The following PCDHA5 variants were observed in gnomAD, a reference collection of about 807,000 sequenced individuals.
PCDHA5 encodes protocadherin alpha-5.
In PCDHA5, 43 loss-of-function variants were observed where a neutral mutation model predicts 61.6. The observed-to-expected ratio is 0.70, with a 90% CI of 0.55 to 0.90. The LOEUF is 0.90. Ranked by LOEUF, PCDHA5 falls within the 40% of genes least tolerant of loss-of-function variation. PCDHA5 has a pLI of 0.00. For synonymous variants in PCDHA5, 627 were observed against 543.9 expected, an observed-to-expected ratio of 1.15 and a Z score of -2.13; for missense variants, 1,298 against 1,222.7, an observed-to-expected ratio of 1.06 and a Z score of -0.92.
At chr5:140,959,956 G>A (rs78198535) in intron 1 of PCDHA5, among the ~76,000 whole-genome samples, 3,568 of 152,304 alleles carry the variant, frequency 0.023, 49 homozygotes, top group Middle Eastern at 0.034. Flanking sequence ...TCATAGGTAG[G>A]AGGTAGATGT....
intron 1 of PCDHA5, among the ~76,000 whole-genome samples, chr5:140,894,786 C>T (rs990092948): frequency 6.6e-6 from 1 of 151,576 alleles, no homozygotes; most frequent in Non-Finnish European, 1.5e-5. Flanking sequence ...AATTATTTGT[C>T]CTCTCCTTTA....
intron 1 of PCDHA5, chr5:140,843,314 G>A (rs2150357213): frequency 6.3e-7 from 1 of 1,596,084 alleles, no homozygotes; most frequent in South Asian, 1.1e-5. Flanking sequence ...CACGGCCACG[G>A]TTCTGGTGTC....
intron 1 of PCDHA5, chr5:140,853,038 C>T (rs2150527746): frequency 3.8e-6 from 1 of 265,006 alleles, no homozygotes; most frequent in African/African-American, 2.3e-5. Flanking sequence ...GCCACCATGC[C>T]CGCCTAATTT....
chr5:140,882,681 A>G, intron 1 of PCDHA5: 1 of 1,614,176 alleles, frequency 6.2e-7, no homozygotes, highest in Non-Finnish European at 8.5e-7. Context: ...GAAAGCAAGA[A>G]ACGAATAATC....
At chr5:140,993,984 CACTT>C (rs2097589955) in intron 3 of PCDHA5, among the ~76,000 whole-genome samples, 1 of 152,114 alleles carries the variant, frequency 6.6e-6, no homozygotes, top group Non-Finnish European at 1.5e-5. Flanking sequence ...ATTTATTAAG[CACTT>C]AGGTCAGGCC....
At chr5:140,968,253 C>A (rs782229675) in intron 1 of PCDHA5, 3 of 1,613,908 alleles carry the variant, frequency 1.9e-6, no homozygotes, top group Non-Finnish European at 2.5e-6. Flanking sequence ...GCCACAGACC[C>A]AGATGAAAAG....
intron 1 of PCDHA5, among the ~76,000 whole-genome samples, chr5:140,900,519 T>G (rs1264399196): frequency 6.6e-6 from 1 of 152,224 alleles, no homozygotes; most frequent in East Asian, 1.9e-4. Flanking sequence ...TCAGGTGATC[T>G]GCCCACCTCG....
At chr5:140,967,879 T>C in intron 1 of PCDHA5, 1 of 1,614,104 alleles carries the variant, frequency 6.2e-7, no homozygotes, top group Non-Finnish European at 8.5e-7. Context: ...CGGACCTGTA[T>C]AGCCCAGTGC....
At chr5:140,843,906 T>C in intron 1 of PCDHA5, 1 of 648,462 alleles carries the variant, frequency 1.5e-6, no homozygotes, top group Non-Finnish European at 2.6e-6. Context: ...TCTCCACAAG[T>C]TGGGTCTATC....
chr5:140,928,525 G>A (rs200642808), intron 1 of PCDHA5: 1 of 1,614,182 alleles, frequency 6.2e-7, no homozygotes, highest in East Asian at 2.2e-5. Context: ...AAACTTGTTT[G>A]TGGTAGATAG....
At chr5:140,985,739 C>CA (rs781951589) in intron 3 of PCDHA5, among the ~76,000 whole-genome samples, 2 of 117,920 alleles carry the variant, frequency 1.7e-5, no homozygotes, top group Non-Finnish European at 3.4e-5. Flanking sequence ...TGATGAATTC[C>CA]TTTTTTTTTT....
At chr5:140,917,151 G>T (rs974449842) in intron 1 of PCDHA5, among the ~76,000 whole-genome samples, 2 of 152,160 alleles carry the variant, frequency 1.3e-5, no homozygotes, top group Non-Finnish European at 2.9e-5. Flanking sequence ...TGCTGCTGGG[G>T]GATATGGGAG....
chr5:140,929,077 A>C, intron 1 of PCDHA5: 1 of 1,614,168 alleles, frequency 6.2e-7, no homozygotes, highest in Non-Finnish European at 8.5e-7. Flanking sequence ...GAGGTATGGA[A>C]GTAAGATGGT....
intron 1 of PCDHA5, among the ~76,000 whole-genome samples, chr5:140,945,169 AAAAT>A (rs1302154201): frequency 2.0e-5 from 3 of 152,164 alleles, no homozygotes; most frequent in Non-Finnish European, 4.4e-5. Context: ...AACTATCTGA[AAAAT>A]AAATCAAGAA....
At chr5:140,945,437 A>T (rs2093790061) in intron 1 of PCDHA5, among the ~76,000 whole-genome samples, 1 of 152,192 alleles carries the variant, frequency 6.6e-6, no homozygotes, top group South Asian at 2.1e-4. Context: ...TTTTACAGAA[A>T]TATAAAAAAC....
intron 1 of PCDHA5, among the ~76,000 whole-genome samples, chr5:140,888,380 A>G (rs1348796416): frequency 6.6e-6 from 1 of 152,192 alleles, no homozygotes; most frequent in East Asian, 1.9e-4. Context: ...GAGCTCTGAG[A>G]TGCTGCTAAA....
chr5:140,884,547 C>G, intron 1 of PCDHA5: 1 of 1,614,214 alleles, frequency 6.2e-7, no homozygotes, highest in East Asian at 2.2e-5. Context: ...AGGGTGTGCT[C>G]TGGGGAGGGC....
chr5:140,922,072 A>G (rs1390677282), intron 1 of PCDHA5, among the ~76,000 whole-genome samples: 1 of 152,198 alleles, frequency 6.6e-6, no homozygotes. Flanking sequence ...AATCCCACTA[A>G]GCAAAAAGTG....
chr5:140,940,073 A>G (rs1197351000), intron 1 of PCDHA5, among the ~76,000 whole-genome samples: 1 of 152,182 alleles, frequency 6.6e-6, no homozygotes, highest in Non-Finnish European at 1.5e-5. Context: ...AATATGTGAT[A>G]TCTTTCTGCT....
Sources: allele counts gnomAD v4.1 joint callset (sites outside exome capture counted in the v4.1 genomes callset), GRCh38; gene constraint gnomAD v4.1.1; transcripts MANE v1.5; gene names NCBI Gene and HGNC (gene_info 2026-07-23, HGNC 2026-07-21).